Variants in LINGO2 observed in about 807,000 individuals in gnomAD.
LINGO2 encodes leucine rich repeat and Ig domain containing 2.
Under a neutral mutation model 30.6 loss-of-function variants are expected in LINGO2, and 14 were observed. The ratio of observed to expected loss-of-function variants is 0.46; its 90% CI spans 0.30 to 0.72. The LOEUF (loss-of-function observed/expected upper bound fraction) is 0.72. Among genes scored for constraint, LINGO2 ranks in the 30% least tolerant of loss-of-function variants. The pLI, the probability that LINGO2 is intolerant of heterozygous loss-of-function variation, is 0.07. For synonymous variants in LINGO2, 317 were observed against 288.5 expected, an observed-to-expected ratio of 1.10 and a Z score of -1.00; for missense variants, 729 against 751.7, an observed-to-expected ratio of 0.97 and a Z score of 0.35.
At chr9:28,540,266 C>T (rs1298877434) in intron 1 of LINGO2, among the ~76,000 whole-genome samples, 1 of 150,538 alleles carries the variant, frequency 6.6e-6, no homozygotes, top group Non-Finnish European at 1.5e-5. Context: ...CTGTCTCTCT[C>T]TCTCTCTCTC....
At chr9:28,552,096 T>C (rs1822317538) in intron 1 of LINGO2, among the ~76,000 whole-genome samples, 1 of 152,066 alleles carries the variant, frequency 6.6e-6, no homozygotes, top group South Asian at 2.1e-4. Context: ...ATCCCATATA[T>C]CACTTTTGTT....
At chr9:28,054,580 AACTT>A (rs1331903499) in intron 4 of LINGO2, among the ~76,000 whole-genome samples, 4 of 152,102 alleles carry the variant, frequency 2.6e-5, no homozygotes, top group African/African-American at 4.8e-5. Flanking sequence ...TTAGAAGAAA[AACTT>A]ACAACACTTG....
At chr9:28,198,843 TC>T (rs1294712148) in intron 4 of LINGO2, among the ~76,000 whole-genome samples, 7 of 152,156 alleles carry the variant, frequency 4.6e-5, no homozygotes, top group African/African-American at 1.4e-4. Context: ...AAATTTAGGA[TC>T]TCAGAGTCAA....
At chr9:28,554,123 G>C (rs1460725674) in intron 1 of LINGO2, among the ~76,000 whole-genome samples, 4 of 151,318 alleles carry the variant, frequency 2.6e-5, no homozygotes, top group African/African-American at 9.8e-5. Context: ...ACATCATAAT[G>C]ACAGGATCAA....
At chr9:27,949,083 T>C in exon 6 of LINGO2, 1 of 1,614,114 alleles carries the variant, frequency 6.2e-7, no homozygotes, top group South Asian at 1.1e-5. Flanking sequence ...AGTATTGGCA[T>C]TGGTGCCATT....
chr9:28,362,985 G>A (rs1402695243), intron 3 of LINGO2, among the ~76,000 whole-genome samples: 1 of 152,164 alleles, frequency 6.6e-6, no homozygotes, highest in Non-Finnish European at 1.5e-5. Flanking sequence ...AGTGTAGAGT[G>A]TGAAAACCTT....
chr9:28,357,658 A>C (rs1820275925), intron 3 of LINGO2, among the ~76,000 whole-genome samples: 1 of 152,152 alleles, frequency 6.6e-6, no homozygotes, highest in African/African-American at 2.4e-5. Flanking sequence ...GAAAAGCAGA[A>C]ATGTAGTAAA....
the LINGO2 span, among the ~76,000 whole-genome samples, chr9:28,724,306 C>A: frequency 6.6e-6 from 1 of 152,072 alleles, no homozygotes; most frequent in Admixed American, 6.6e-5. Flanking sequence ...CCTGCTTTTG[C>A]GGATAAGGAA....
the LINGO2 span, among the ~76,000 whole-genome samples, chr9:28,794,477 A>C: frequency 6.6e-6 from 1 of 152,196 alleles, no homozygotes. Context: ...CCTGAGTTGA[A>C]GACACACATT....
intron 4 of LINGO2, among the ~76,000 whole-genome samples, chr9:28,051,306 T>C (rs1398529235): frequency 6.6e-6 from 1 of 151,984 alleles, no homozygotes; most frequent in Admixed American, 6.6e-5. Flanking sequence ...ATATGACAAA[T>C]CCCTCCGTCT....
intron 4 of LINGO2, among the ~76,000 whole-genome samples, chr9:28,229,154 T>C (rs1053434933): frequency 2.0e-5 from 3 of 151,756 alleles, no homozygotes; most frequent in Non-Finnish European, 3.0e-5. Flanking sequence ...CATACATATT[T>C]ACAAAGAAAA....
the LINGO2 span, among the ~76,000 whole-genome samples, chr9:28,837,661 C>CAT: frequency 0.036 from 3,206 of 89,380 alleles, 322 homozygotes; most frequent in South Asian, 0.083. Flanking sequence ...TATATATATA[C>CAT]ATATATATAT....
At chr9:28,848,363 T>TTGTGTGTGTGTGTG in the LINGO2 span, among the ~76,000 whole-genome samples, 1 of 74,676 alleles carries the variant, frequency 1.3e-5, no homozygotes, top group African/African-American at 4.7e-5. Context: ...TACACATATA[T>TTGTGTGTGTGTGTG]TGTGTGTGTG....
intron 4 of LINGO2, among the ~76,000 whole-genome samples, chr9:28,065,952 A>G (rs1825301175): frequency 6.6e-6 from 1 of 152,068 alleles, no homozygotes; most frequent in African/African-American, 2.4e-5. Flanking sequence ...ACATACACAC[A>G]TGCATATAAT....
At chr9:28,177,675 C>A (rs554209519) in intron 4 of LINGO2, among the ~76,000 whole-genome samples, 1 of 151,960 alleles carries the variant, frequency 6.6e-6, no homozygotes, top group South Asian at 2.1e-4. Context: ...AAAGGAGCAA[C>A]AAATAAATAA....
the LINGO2 span, among the ~76,000 whole-genome samples, chr9:28,892,452 G>C: frequency 2.6e-5 from 4 of 151,874 alleles, no homozygotes; most frequent in African/African-American, 9.7e-5. Context: ...GCTTATTCTT[G>C]ATACTGAATC....
the LINGO2 span, among the ~76,000 whole-genome samples, chr9:28,743,380 T>C: frequency 6.6e-6 from 1 of 151,528 alleles, no homozygotes; most frequent in African/African-American, 2.4e-5. Context: ...TTCCCCTCCC[T>C]GTGTCCATGT....
rs541657036 is a variant in LINGO2, at chr9:28,444,971, A to G, written c.-279+30969T>C. On this transcript the variant is annotated intron_variant, in intron 2 of 5. Transcript: ENST00000379992. ...ACTCAGGCATAAGGTGCTGCTGTCT[A>G]CAGAGGTTTCTGGCTGGTGAAGTGA... Among the ~76,000 whole-genome samples the G allele has an allele frequency of 1.7e-4, 26 of 152,248 alleles. No individual in the cohort carries two copies. The South Asian group carries it at 5.4e-3, about 32-fold the overall frequency.
chr9:28,127,882 A>G (rs910147109), intron 4 of LINGO2, among the ~76,000 whole-genome samples: 2 of 152,256 alleles, frequency 1.3e-5, no homozygotes, highest in African/African-American at 2.4e-5. Flanking sequence ...TACAAACTCT[A>G]TGACTTTAGA....
Sources: allele counts gnomAD v4.1 joint callset (sites outside exome capture counted in the v4.1 genomes callset), GRCh38; gene constraint gnomAD v4.1.1; transcripts MANE v1.5; gene names NCBI Gene and HGNC (gene_info 2026-07-23, HGNC 2026-07-21).